The following IL1RAPL2 variants were observed in gnomAD, a reference collection of about 807,000 sequenced individuals.
IL1RAPL2 encodes X-linked interleukin-1 receptor accessory protein-like 2.
IL1RAPL2 carries 3 observed loss-of-function variants against 44.1 expected under a neutral mutation model. That is an observed-to-expected ratio of 0.07 (90% CI 0.03 to 0.18). The LOEUF (loss-of-function observed/expected upper bound fraction) is 0.18, where lower values mean the gene tolerates loss of function less well. Among genes scored for constraint, IL1RAPL2 ranks in the 10% least tolerant of loss-of-function variants. IL1RAPL2 has a pLI of 1.00. For synonymous variants in IL1RAPL2, 181 were observed against 178.8 expected (o/e 1.01, Z -0.10); for missense variants, 391 against 496.4 (o/e 0.79, Z 2.02).
At chrX:105,323,008 G>A (rs756023553) in intron 5 of IL1RAPL2, among the ~76,000 whole-genome samples, 3 of 111,451 alleles carry the variant, frequency 2.7e-5, no homozygotes, top group African/African-American at 6.5e-5. Flanking sequence ...CATTTTTTCC[G>A]GGAGCCAGTT....
At chrX:104,932,709 G>A (rs930225231) in intron 2 of IL1RAPL2, among the ~76,000 whole-genome samples, 3 of 112,004 alleles carry the variant, frequency 2.7e-5, no homozygotes, top group Non-Finnish European at 3.8e-5. Flanking sequence ...CTGTATGGTC[G>A]GAGTTTAAGG....
intron 2 of IL1RAPL2, among the ~76,000 whole-genome samples, chrX:104,928,388 C>T (rs1419598936): frequency 9.0e-6 from 1 of 111,247 alleles, no homozygotes; most frequent in Non-Finnish European, 1.9e-5. Flanking sequence ...TCTTAGTCTG[C>T]ATTGAGAATG....
chrX:105,539,753 A>T (rs2036706132), intron 6 of IL1RAPL2, among the ~76,000 whole-genome samples: 1 of 111,992 alleles, frequency 8.9e-6, no homozygotes, highest in African/African-American at 3.2e-5. Context: ...AATGGGAGAA[A>T]ATATTTGCAA....
At chrX:105,026,150 T>C (rs1426630161) in intron 2 of IL1RAPL2, among the ~76,000 whole-genome samples, 1 of 111,145 alleles carries the variant, frequency 9.0e-6, no homozygotes, top group Non-Finnish European at 1.9e-5. Context: ...GTCTACTAGT[T>C]GTTACCTGCT....
chrX:104,656,855 G>T (rs1190750651), intron 1 of IL1RAPL2, among the ~76,000 whole-genome samples: 1 of 111,435 alleles, frequency 9.0e-6, no homozygotes, highest in Non-Finnish European at 1.9e-5. Flanking sequence ...GAATCTGGGT[G>T]CTCCTGTATT....
chrX:105,660,942 A>G (rs1460636446), intron 6 of IL1RAPL2, among the ~76,000 whole-genome samples: 1 of 111,323 alleles, frequency 9.0e-6, no homozygotes, highest in African/African-American at 3.3e-5. Context: ...CAATAATAAC[A>G]TTGAATGTAA....
At chrX:104,585,349 AT>A (rs1928526125) in intron 1 of IL1RAPL2, among the ~76,000 whole-genome samples, 1 of 15,331 alleles carries the variant, frequency 6.5e-5, no homozygotes, top group Non-Finnish European at 1.0e-4. Context: ...TATATTATAT[AT>A]ATTATATATA....
intron 6 of IL1RAPL2, among the ~76,000 whole-genome samples, chrX:105,656,746 AG>A (rs2037680251): frequency 1.8e-5 from 2 of 111,796 alleles, no homozygotes; most frequent in South Asian, 7.5e-4. Context: ...CTCTTTTCAC[AG>A]GGTGTACAGT....
At chrX:104,582,643 T>TCC (rs1569487537) in intron 1 of IL1RAPL2, among the ~76,000 whole-genome samples, 1 of 73,945 alleles carries the variant, frequency 1.4e-5, no homozygotes, top group Non-Finnish European at 2.2e-5. Context: ...TTTCTTTCTC[T>TCC]CTTTCTTTCT....
intron 2 of IL1RAPL2, among the ~76,000 whole-genome samples, chrX:105,144,094 G>GTGTGTGT (rs2033155125): frequency 1.3e-5 from 1 of 79,575 alleles, no homozygotes; most frequent in Non-Finnish European, 2.4e-5. Flanking sequence ...TCAACAGATG[G>GTGTGTGT]GTGTGTGTGT....
intron 2 of IL1RAPL2, among the ~76,000 whole-genome samples, chrX:104,736,051 C>T (rs1225017046): frequency 9.0e-6 from 1 of 110,638 alleles, no homozygotes; most frequent in Non-Finnish European, 1.9e-5. Flanking sequence ...AGTTCTTTCT[C>T]CCCTCCTCAC....
At chrX:105,370,119 C>G (rs1194714494) in intron 5 of IL1RAPL2, among the ~76,000 whole-genome samples, 1 of 112,067 alleles carries the variant, frequency 8.9e-6, no homozygotes, top group Non-Finnish European at 1.9e-5. Context: ...TCCCTATTTT[C>G]TTACACCTTG....
intron 2 of IL1RAPL2, among the ~76,000 whole-genome samples, chrX:104,888,029 G>T (rs1354594101): frequency 9.0e-6 from 1 of 111,286 alleles, no homozygotes; most frequent in African/African-American, 3.3e-5. Context: ...GGAAATAAAG[G>T]GAGTTCCTAA....
intron 2 of IL1RAPL2, among the ~76,000 whole-genome samples, chrX:104,932,833 G>A (rs906271128): frequency 4.5e-5 from 5 of 112,083 alleles, no homozygotes; most frequent in African/African-American, 1.6e-4. Context: ...TTAACATACC[G>A]ATGTTAGTAG....
intron 2 of IL1RAPL2, among the ~76,000 whole-genome samples, chrX:105,053,178 C>CAATACATTATGCTAGAAGTT (rs2031950760): frequency 9.0e-6 from 1 of 111,081 alleles, no homozygotes; most frequent in Non-Finnish European, 1.9e-5. Context: ...TCCAATTTTC[C>CAATACATTATGCTAGAAGTT]ACCCTAGCAT....
intron 6 of IL1RAPL2, among the ~76,000 whole-genome samples, chrX:105,626,702 C>T (rs1248727608): frequency 9.0e-6 from 1 of 110,621 alleles, no homozygotes; most frequent in African/African-American, 3.3e-5. Flanking sequence ...TAACCATCAC[C>T]CAAATAGTGT....
At chrX:105,222,696 T>C (rs1480662787) in intron 3 of IL1RAPL2, among the ~76,000 whole-genome samples, 2 of 111,766 alleles carry the variant, frequency 1.8e-5, no homozygotes, top group Non-Finnish European at 3.8e-5. Context: ...ATTTGGTAGA[T>C]AGAATGCATA....
chrX:104,796,575 C>T (rs1414358592), intron 2 of IL1RAPL2, among the ~76,000 whole-genome samples: 1 of 111,644 alleles, frequency 9.0e-6, no homozygotes, highest in Non-Finnish European at 1.9e-5. Flanking sequence ...GAAAATGGTA[C>T]TCCCATTCTT....
At chrX:104,675,652 C>T (rs1271665366) in intron 2 of IL1RAPL2, among the ~76,000 whole-genome samples, 1 of 110,479 alleles carries the variant, frequency 9.1e-6, no homozygotes, top group Non-Finnish European at 1.9e-5. Flanking sequence ...CCTGGGTATC[C>T]TTGTTGACTT....
Sources: gnomAD v4.1 joint callset for allele counts (sites outside exome capture counted in the v4.1 genomes callset) on GRCh38, gnomAD v4.1.1 for gene constraint, MANE v1.5 for transcripts, NCBI Gene and HGNC (gene_info 2026-07-23, HGNC 2026-07-21) for gene names.